KDM4C: variants seen among roughly 807,000 people sequenced by gnomAD.
The protein encoded by KDM4C is lysine-specific demethylase 4C.
Under a neutral mutation model 129.3 loss-of-function variants are expected in KDM4C, and 81 were observed. The ratio of observed to expected loss-of-function variants is 0.63; its 90% CI spans 0.52 to 0.75. KDM4C has a LOEUF of 0.75. KDM4C is among the 30% of genes least tolerant of loss of function. KDM4C has a pLI of 0.00. For missense variants in KDM4C, 1,457 were observed against 1,304.0 expected (o/e 1.12, Z -1.81); for synonymous variants, 573 against 456.1 (o/e 1.26, Z -3.26).
intron 19 of KDM4C, among the ~76,000 whole-genome samples, chr9:7,131,402 C>G (rs777785461): frequency 2.4e-4 from 36 of 152,052 alleles, no homozygotes; most frequent in Admixed American, 7.9e-4. Flanking sequence ...GCAGGGTTCT[C>G]CAGAGAAGCG....
chr9:6,819,783 A>G (rs1305391081), intron 4 of KDM4C, among the ~76,000 whole-genome samples: 1 of 152,234 alleles, frequency 6.6e-6, no homozygotes, highest in Non-Finnish European at 1.5e-5. Flanking sequence ...ATTCATTGTA[A>G]TGAATGTGCA....
rs1844209857 is a variant in KDM4C, at chr9:6,880,132, G to C, written c.679+71G>C. On this transcript the variant is annotated intron_variant, in intron 6 of 21. Coordinates refer to ENST00000381309, the MANE Select transcript of KDM4C (RefSeq NM_015061.6). The stretch of plus-strand genomic sequence containing the variant: ...TGTGTTTTGTAGGTTCTTTGTTTTT[G>C]AGGTACTTTTTACAATATAGACCGT... 4 of 994,516 alleles carry C rather than the reference G, an allele frequency of 4.0e-6. No individual in the cohort carries two copies. In the East Asian group the frequency reaches 1.0e-4, roughly 26 times the overall value. 61.6% of individuals were successfully genotyped at this position (994,516 alleles called of 1,614,324 possible). A position where few individuals can be genotyped will look rare whatever the true frequency, so the allele number is the denominator to read the frequency against.
At chr9:7,082,535 C>T (rs1450087453) in intron 17 of KDM4C, among the ~76,000 whole-genome samples, 1 of 152,170 alleles carries the variant, frequency 6.6e-6, no homozygotes, top group Non-Finnish European at 1.5e-5. Flanking sequence ...TATGCAGATA[C>T]AGAGCTCTGA....
At chr9:7,107,769 G>T (rs1073496) in intron 18 of KDM4C, among the ~76,000 whole-genome samples, 4 of 151,974 alleles carry the variant, frequency 2.6e-5, no homozygotes, top group South Asian at 2.1e-4. Context: ...TAGAGAAAAC[G>T]CTGTATTGGT....
rs763214498 is a variant in KDM4C, at chr9:6,793,090, A to C, written c.102A>C (p.Ala34=). ...EEFREFNKYL[A]YMESKGAHRA... ...TCCGGGAGTTCAACAAATACCTTGC[A>C]TACATGGAGTCTAAAGGAGCCCATC... Residue 34 remains alanine (A), a synonymous_variant, in exon 2 of 22, where the codon GCA becomes GCC. Transcript: ENST00000381309. 2 of 1,614,044 alleles carry C rather than the reference A, an allele frequency of 1.2e-6. No individual in the cohort carries two copies. Among genetic ancestry groups the C allele is most frequent in the African/African-American group, 2.7e-5 (2 of 74,908 alleles).
chr9:7,118,651 G>A (rs903250029), intron 18 of KDM4C, among the ~76,000 whole-genome samples: 2 of 152,140 alleles, frequency 1.3e-5, no homozygotes, highest in Admixed American at 6.6e-5. Context: ...GGGTCATTGC[G>A]TACAAATGGA....
At chr9:6,994,619 G>A (rs1284356802) in intron 12 of KDM4C, among the ~76,000 whole-genome samples, 1 of 152,134 alleles carries the variant, frequency 6.6e-6, no homozygotes, top group East Asian at 1.9e-4. Flanking sequence ...ATGGATTCAA[G>A]AGTGGGAATG....
At position 6,925,265 on chromosome 9, in the gene KDM4C, G is replaced by A. The variant is rs548541778; in HGVS notation, c.921+32033G>A. ...CGGAATAATTATGAACAGCATTGTA[G>A]GAGGTAGTTACTATGGGAAAATATA... is the stretch of plus-strand genomic sequence containing the variant. On this transcript the variant is annotated intron_variant, in intron 8 of 21. Coordinates refer to ENST00000381309, the MANE Select transcript of KDM4C (RefSeq NM_015061.6). The A allele has an allele frequency of 1.0e-5, 10 of 985,312 alleles. No homozygotes were observed. In the South Asian group the frequency reaches 4.2e-4, roughly 42 times the overall value. 61.0% of individuals were successfully genotyped at this position (985,312 alleles called of 1,614,324 possible).
At chr9:7,013,525 G>A (rs1823074721) in intron 13 of KDM4C, among the ~76,000 whole-genome samples, 2 of 152,156 alleles carry the variant, frequency 1.3e-5, no homozygotes, top group South Asian at 4.1e-4. Context: ...ACTAATTTTG[G>A]AAAGACACAG....
intron 1 of KDM4C, among the ~76,000 whole-genome samples, chr9:6,775,500 C>A (rs1003021302): frequency 6.6e-6 from 1 of 151,832 alleles, no homozygotes. Context: ...GTTGAACTTA[C>A]GCTAGAATTT....
Position 6,793,093 on chromosome 9 carries a change from C to T in KDM4C, c.105C>T (p.Tyr35=), listed in dbSNP as rs751194941. Residue 35 remains tyrosine, a synonymous_variant, in exon 2 of 22, where the codon TAC becomes TAT. Transcript: ENST00000381309. Reference sequence around the variant, plus strand: ...GGGAGTTCAACAAATACCTTGCATACATGGAGTCTAAAGGAGCCCATCGTG... The same window carrying T: ...GGGAGTTCAACAAATACCTTGCATATATGGAGTCTAAAGGAGCCCATCGTG... ...EFREFNKYLA[Y]MESKGAHRAG... is the part of the protein sequence containing the mutation. The T allele has an allele frequency of 6.2e-7, 1 of 1,614,120 alleles. No homozygotes were observed. The highest frequency in any genetic ancestry group is 1.1e-5 in the South Asian group (1 of 91,078).
At chr9:6,834,391 C>T (rs1266971890) in intron 4 of KDM4C, 1 of 365,430 alleles carries the variant, frequency 2.7e-6, no homozygotes, top group Non-Finnish European at 5.3e-6. Flanking sequence ...ACCACGTCCG[C>T]CCCGTGAGCA....
intron 17 of KDM4C, among the ~76,000 whole-genome samples, chr9:7,100,218 C>G (rs1338390238): frequency 6.6e-6 from 1 of 152,070 alleles, no homozygotes; most frequent in East Asian, 1.9e-4. Flanking sequence ...ATGGCAAAAC[C>G]CTGTCTCTAA....
intron 4 of KDM4C, among the ~76,000 whole-genome samples, chr9:6,832,085 TC>T (rs1441061109): frequency 1.3e-5 from 2 of 152,104 alleles, no homozygotes; most frequent in African/African-American, 4.8e-5. Context: ...ATGCCTGTAA[TC>T]CCAGCACTCT....
chr9:6,737,070 AAAAAG>A (rs1382980649), intron 1 of KDM4C, among the ~76,000 whole-genome samples: 1 of 151,550 alleles, frequency 6.6e-6, no homozygotes, highest in African/African-American at 2.4e-5. Context: ...AAAAAAAAAA[AAAAAG>A]TTTTTCAGTC....
At chr9:7,170,631 A>G (rs1250698163) in intron 21 of KDM4C, 2 of 959,584 alleles carry the variant, frequency 2.1e-6, no homozygotes, top group Non-Finnish European at 2.5e-6. Flanking sequence ...TTAGAATTAT[A>G]TCTATTGTGT....
At chr9:6,830,986 G>C (rs1483277281) in intron 4 of KDM4C, among the ~76,000 whole-genome samples, 2 of 152,180 alleles carry the variant, frequency 1.3e-5, no homozygotes, top group African/African-American at 4.8e-5. Context: ...GGATTTTCCA[G>C]GTATTAGTGG....
chr9:7,072,478 A>G (rs1833341174), intron 17 of KDM4C, among the ~76,000 whole-genome samples: 1 of 152,210 alleles, frequency 6.6e-6, no homozygotes, highest in Non-Finnish European at 1.5e-5. Context: ...TCAACCATGG[A>G]TGAATCTCAG....
chr9:6,893,319 T>C, intron 8 of KDM4C, 87 bp downstream of exon 8: 3 of 1,091,092 alleles, frequency 2.7e-6, no homozygotes, highest in Non-Finnish European at 3.9e-6. Flanking sequence ...GCAGCATTTA[T>C]TTATTCTTCC....
Sources: allele counts gnomAD v4.1 joint callset (sites outside exome capture counted in the v4.1 genomes callset), GRCh38; gene constraint gnomAD v4.1.1; transcripts MANE v1.5; gene names NCBI Gene and HGNC (gene_info 2026-07-23, HGNC 2026-07-21).